Variants in SNTG2 observed in about 807,000 individuals in gnomAD.
SNTG2 encodes syntrophin gamma 2.
A neutral mutation model predicts 70.9 loss-of-function variants in SNTG2; 74 were observed. The ratio of observed to expected loss-of-function variants is 1.04; its 90% confidence interval spans 0.86 to 1.27. SNTG2 has a LOEUF of 1.27. SNTG2 is among the 50% of genes most tolerant of loss of function. The probability of loss-of-function intolerance (pLI) is 0.00; values close to 1 mark genes in which losing one functional copy is unlikely to be tolerated. For synonymous variants in SNTG2, 278 were observed against 273.8 expected (o/e 1.02, Z -0.15); for missense variants, 717 against 690.7 (o/e 1.04, Z -0.43).
intron 2 of SNTG2, among the ~76,000 whole-genome samples, chr2:1,095,098 A>G (rs1012067046): frequency 1.3e-5 from 2 of 151,264 alleles, no homozygotes; most frequent in Admixed American, 6.6e-5. Context: ...GAGAAAAAAA[A>G]AGAGAGAGAG....
At chr2:1,114,596 C>T (rs1007873794) in intron 4 of SNTG2, among the ~76,000 whole-genome samples, 6 of 148,476 alleles carry the variant, frequency 4.0e-5, no homozygotes, top group African/African-American at 1.3e-4. Context: ...TGAGGAGGAT[C>T]GTGTGTAGTA....
intron 8 of SNTG2, among the ~76,000 whole-genome samples, chr2:1,198,648 C>G (rs1006600033): frequency 1.3e-5 from 2 of 151,768 alleles, no homozygotes; most frequent in African/African-American, 4.8e-5. Context: ...TGATAAACTG[C>G]TAGCTAAACA....
At chr2:1,179,736 C>T (rs1671733246) in intron 8 of SNTG2, among the ~76,000 whole-genome samples, 1 of 150,368 alleles carries the variant, frequency 6.7e-6, no homozygotes, top group African/African-American at 2.4e-5. Context: ...CATATGGAAC[C>T]AAAAAAGAGC....
At chr2:1,102,893 G>A (rs1457104718) in intron 4 of SNTG2, among the ~76,000 whole-genome samples, 5 of 152,186 alleles carry the variant, frequency 3.3e-5, no homozygotes, top group Admixed American at 1.3e-4. Flanking sequence ...CAGCTCACTC[G>A]CACCTTGAAT....
At chr2:1,149,083 G>A (rs907392231) in intron 6 of SNTG2, among the ~76,000 whole-genome samples, 4 of 152,162 alleles carry the variant, frequency 2.6e-5, no homozygotes, top group African/African-American at 9.7e-5. Flanking sequence ...TTGTGGACAT[G>A]AGTTTGGAAA....
chr2:1,060,202 TTTAAA>T (rs1446485637), intron 1 of SNTG2, among the ~76,000 whole-genome samples: 1 of 152,090 alleles, frequency 6.6e-6, no homozygotes, highest in Non-Finnish European at 1.5e-5. Context: ...AAATAAAACA[TTTAAA>T]TTAAAGGAAG....
chr2:1,195,162 A>T (rs956569097), intron 8 of SNTG2, among the ~76,000 whole-genome samples: 1 of 152,182 alleles, frequency 6.6e-6, no homozygotes, highest in African/African-American at 2.4e-5. Context: ...AGTCTTTGCT[A>T]TTGTGAACAG....
intron 1 of SNTG2, among the ~76,000 whole-genome samples, chr2:974,078 T>A (rs1173408126): frequency 1.3e-5 from 2 of 152,194 alleles, no homozygotes; most frequent in Non-Finnish European, 2.9e-5. Flanking sequence ...TTATTTTTGG[T>A]TTTTTTAGCT....
intron 16 of SNTG2, among the ~76,000 whole-genome samples, chr2:1,325,227 C>T (rs1158815269): frequency 1.3e-5 from 2 of 152,116 alleles, no homozygotes; most frequent in African/African-American, 4.8e-5. Context: ...ATGCAAATAA[C>T]TCTGTCACCA....
chr2:1,159,791 C>T (rs963904926), intron 6 of SNTG2, among the ~76,000 whole-genome samples: 9 of 152,206 alleles, frequency 5.9e-5, no homozygotes, highest in East Asian at 5.8e-4. Context: ...ACTAAAACTC[C>T]GTCTCCCAAG....
chr2:1,304,724 CTCTCA>C (rs1235452866), intron 14 of SNTG2, among the ~76,000 whole-genome samples: 3 of 83,788 alleles, frequency 3.6e-5, no homozygotes, highest in African/African-American at 1.5e-4. Context: ...GAAACTCTCT[CTCTCA>C]AAAAAAAAAA....
intron 1 of SNTG2, among the ~76,000 whole-genome samples, chr2:977,687 C>T (rs1331398360): frequency 6.6e-6 from 1 of 152,144 alleles, no homozygotes. Context: ...CTCATTGCTT[C>T]TAGGATGGGA....
chr2:1,058,863 G>C (rs964025836), intron 1 of SNTG2, among the ~76,000 whole-genome samples: 3 of 152,196 alleles, frequency 2.0e-5, no homozygotes, highest in African/African-American at 7.2e-5. Context: ...CTGTGCCAGA[G>C]CCCTCCTTGA....
intron 6 of SNTG2, among the ~76,000 whole-genome samples, chr2:1,159,105 CCT>C (rs879452375): frequency 0.27 from 22,099 of 82,992 alleles, 2,256 homozygotes; most frequent in African/African-American, 0.35. Context: ...CATGCGTGTA[CCT>C]GTGTGTTCGT....
At chr2:1,347,452 G>A (rs1217977073) in intron 16 of SNTG2, among the ~76,000 whole-genome samples, 2 of 152,100 alleles carry the variant, frequency 1.3e-5, no homozygotes, top group African/African-American at 2.4e-5. Flanking sequence ...ATCAAACCAG[G>A]GCAAAATTGG....
At chr2:1,337,682 G>A (rs1030958312) in intron 16 of SNTG2, among the ~76,000 whole-genome samples, 15 of 152,104 alleles carry the variant, frequency 9.9e-5, no homozygotes, top group African/African-American at 3.4e-4. Flanking sequence ...ATGCACAAAA[G>A]TTATTAATGT....
chr2:964,750 G>T (rs1455756238), intron 1 of SNTG2, among the ~76,000 whole-genome samples: 1 of 152,192 alleles, frequency 6.6e-6, no homozygotes, highest in African/African-American at 2.4e-5. Context: ...TGGGCACTCT[G>T]CCACAGCGGG....
intron 1 of SNTG2, among the ~76,000 whole-genome samples, chr2:1,044,360 G>A (rs1413030491): frequency 6.6e-6 from 1 of 151,800 alleles, no homozygotes; most frequent in East Asian, 1.9e-4. Context: ...AAAGAGATAG[G>A]TTGACTCTTG....
rs181232116 is a variant in SNTG2, at chr2:1,214,394, C to G, written c.719+5164C>G. 9.2e-5 allele frequency among the ~76,000 whole-genome samples: 14 copies of G among 152,162 alleles called. No homozygotes were observed. In the East Asian group the frequency reaches 2.7e-3, roughly 29 times the overall value. On this transcript the variant is annotated intron_variant, in intron 9 of 16. Coordinates refer to ENST00000308624, the MANE Select transcript of SNTG2 (RefSeq NM_018968.4). Reference sequence around the variant, plus strand: ...CAATCCATGAATGCAGGATATCTTTCCATTTTTGTGTGTCATCTATAATTT... The same window carrying G: ...CAATCCATGAATGCAGGATATCTTTGCATTTTTGTGTGTCATCTATAATTT...
Sources: gnomAD v4.1 joint callset for allele counts (sites outside exome capture counted in the v4.1 genomes callset) on GRCh38, gnomAD v4.1.1 for gene constraint, MANE v1.5 for transcripts, NCBI Gene and HGNC (gene_info 2026-07-23, HGNC 2026-07-21) for gene names.